Variants in PHLDB2 observed in about 807,000 individuals in gnomAD.
The protein encoded by PHLDB2 is pleckstrin homology-like domain family B member 2.
Under a neutral mutation model 123.6 loss-of-function variants are expected in PHLDB2, and 71 were observed. That is an observed-to-expected ratio of 0.57 (90% confidence interval 0.47 to 0.70). The LOEUF (loss-of-function observed/expected upper bound fraction) is 0.70. Among genes scored for constraint, PHLDB2 ranks in the 30% least tolerant of loss-of-function variants. The pLI is 0.00. For synonymous variants in PHLDB2, 547 were observed against 541.6 expected (o/e 1.01, Z -0.14); for missense variants, 1,446 against 1,519.5 (o/e 0.95, Z 0.80).
At chr3:111,903,280 A>T (rs1017318772) in intron 2 of PHLDB2, among the ~76,000 whole-genome samples, 3 of 152,196 alleles carry the variant, frequency 2.0e-5, no homozygotes, top group African/African-American at 7.2e-5. Flanking sequence ...ATGTGTCCTT[A>T]ATAAGACAAT....
intron 1 of PHLDB2, among the ~76,000 whole-genome samples, chr3:111,748,621 G>A (rs990453552): frequency 5.3e-5 from 8 of 151,766 alleles, no homozygotes; most frequent in African/African-American, 1.5e-4. Context: ...TCCTGGGTTC[G>A]AGCGATTCTC....
chr3:111,945,417 G>A (rs1471411791), intron 9 of PHLDB2, 60 bp downstream of exon 9: 1 of 1,261,488 alleles, frequency 7.9e-7, no homozygotes, highest in Non-Finnish European at 1.1e-6. Context: ...ATGTATTTCA[G>A]CTTTATTTGA....
At chr3:111,890,086 AAAC>A (rs1038461812) in intron 2 of PHLDB2, among the ~76,000 whole-genome samples, 14 of 152,310 alleles carry the variant, frequency 9.2e-5, no homozygotes, top group Admixed American at 7.9e-4. Context: ...AACAAATTAT[AAAC>A]AACAACAACA....
chr3:111,874,410 C>A (rs748769422), intron 1 of PHLDB2, among the ~76,000 whole-genome samples: 1 of 152,146 alleles, frequency 6.6e-6, no homozygotes, highest in African/African-American at 2.4e-5. Context: ...TAGCTCAGAG[C>A]CTGATTTATA....
chr3:111,929,209 T>C (rs915009989), intron 5 of PHLDB2, among the ~76,000 whole-genome samples: 1 of 152,218 alleles, frequency 6.6e-6, no homozygotes, highest in African/African-American at 2.4e-5. Flanking sequence ...AAGGCTGCAG[T>C]GAACTGTGAT....
chr3:111,772,006 A>T (rs2060186753), intron 1 of PHLDB2, among the ~76,000 whole-genome samples: 1 of 152,016 alleles, frequency 6.6e-6, no homozygotes, highest in South Asian at 2.1e-4. Flanking sequence ...AGGTTTTTAA[A>T]TTTTTTTATA....
chr3:111,756,282 G>T (rs550831487), intron 1 of PHLDB2, among the ~76,000 whole-genome samples: 166 of 151,696 alleles, frequency 1.1e-3, no homozygotes, highest in African/African-American at 3.8e-3. Flanking sequence ...TTATTGTGTG[G>T]GAGTCTAAGT....
intron 1 of PHLDB2, among the ~76,000 whole-genome samples, chr3:111,765,382 C>G (rs1576540327): frequency 1.3e-5 from 2 of 152,164 alleles, no homozygotes; most frequent in African/African-American, 4.8e-5. Context: ...TTCTGCCACC[C>G]CCACAGGCTT....
intron 1 of PHLDB2, among the ~76,000 whole-genome samples, chr3:111,788,579 A>G (rs895226523): frequency 6.6e-6 from 1 of 152,224 alleles, no homozygotes; most frequent in Admixed American, 6.5e-5. Context: ...CTCTCTAAAA[A>G]GAGCCTAAGA....
rs140464388 is a variant in PHLDB2 at position 111,918,835 on chromosome 3, A to G, written c.1720-237A>G. On this transcript the variant is annotated intron_variant, in intron 3 of 17. Transcript: ENST00000431670. Reference sequence around the variant, plus strand: ...TTAGTTCTTTTAGCTTCAAAAGGATATGAATTGGTGAACTGAAGTTGGTTT... The same window carrying G: ...TTAGTTCTTTTAGCTTCAAAAGGATGTGAATTGGTGAACTGAAGTTGGTTT... 7.9e-5 allele frequency among the ~76,000 whole-genome samples: 12 copies of G among 152,328 alleles called. No individual in the cohort carries two copies. The East Asian group carries it at 1.5e-3, about 20-fold the overall frequency.
chr3:111,851,877 CTCTT>C (rs956125465), intron 2 of PHLDB2, among the ~76,000 whole-genome samples: 3 of 152,056 alleles, frequency 2.0e-5, no homozygotes, highest in African/African-American at 4.8e-5. Flanking sequence ...GTATTACTCA[CTCTT>C]TCCCAAATCT....
At chr3:111,807,682 C>T (rs1353580317) in intron 1 of PHLDB2, among the ~76,000 whole-genome samples, 3 of 152,076 alleles carry the variant, frequency 2.0e-5, no homozygotes, top group Non-Finnish European at 4.4e-5. Flanking sequence ...TTGCTCAAGC[C>T]TAGGAATTCA....
intron 1 of PHLDB2, among the ~76,000 whole-genome samples, chr3:111,740,063 C>A (rs528662602): frequency 6.6e-6 from 1 of 152,160 alleles, no homozygotes; most frequent in Admixed American, 6.5e-5. Context: ...GAGAAGGCAG[C>A]CCGGGCAGTA....
intron 2 of PHLDB2, among the ~76,000 whole-genome samples, chr3:111,854,129 G>A (rs2108617464): frequency 6.6e-6 from 1 of 152,244 alleles, no homozygotes; most frequent in Admixed American, 6.5e-5. Flanking sequence ...AGGGCAGCAG[G>A]ACAGAATGAA....
At chr3:111,854,604 G>A (rs987467826), upstream of PHLDB2, among the ~76,000 whole-genome samples, 2 of 152,116 alleles carry the variant, frequency 1.3e-5, no homozygotes, top group South Asian at 2.1e-4. Flanking sequence ...AAATCCAACC[G>A]ATCTTTTCTA....
chr3:111,896,756 C>CAA (rs71625223), intron 2 of PHLDB2, among the ~76,000 whole-genome samples: 1,397 of 130,054 alleles, frequency 0.011, 26 homozygotes, highest in African/African-American at 0.035. Context: ...ATTGATTTTT[C>CAA]AAAAAAAAAA....
intron 12 of PHLDB2, 28 bp downstream of exon 12, chr3:111,954,057 G>T: frequency 6.3e-7 from 1 of 1,589,246 alleles, no homozygotes; most frequent in Non-Finnish European, 8.6e-7. Flanking sequence ...CAAGTGTCAT[G>T]GCCTTTTGTT....
At chr3:111,927,558 T>C (rs1158395161) in intron 5 of PHLDB2, among the ~76,000 whole-genome samples, 1 of 152,226 alleles carries the variant, frequency 6.6e-6, no homozygotes, top group Non-Finnish European at 1.5e-5. Context: ...ATCTTTATCA[T>C]GCTAACAGGG....
chr3:111,857,283 C>A (rs2064554688), upstream of PHLDB2, among the ~76,000 whole-genome samples: 1 of 151,870 alleles, frequency 6.6e-6, no homozygotes, highest in South Asian at 2.1e-4. Flanking sequence ...GAAACCCCAT[C>A]TCTGCAAAAA....
Sources: allele counts gnomAD v4.1 joint callset (sites outside exome capture counted in the v4.1 genomes callset), GRCh38; gene constraint gnomAD v4.1.1; transcripts MANE v1.5; gene names NCBI Gene and HGNC (gene_info 2026-07-23, HGNC 2026-07-21).